DNMT3A: variants seen among roughly 807,000 people sequenced by gnomAD.
DNMT3A encodes DNA (cytosine-5)-methyltransferase 3A.
Under a neutral mutation model 117.6 loss-of-function variants are expected in DNMT3A, and 267 were observed. That is an observed-to-expected ratio of 2.27 (90% CI 2.05 to 2.51). The LOEUF is 2.51. Ranked by LOEUF, DNMT3A falls within the 30% of genes most tolerant of loss-of-function variation. DNMT3A has a pLI of 0.00. For missense variants in DNMT3A, 1,029 were observed against 1,260.2 expected (o/e 0.82, Z 2.78); for synonymous variants, 432 against 474.8 (o/e 0.91, Z 1.17).
rs1381872719 is a variant in DNMT3A, at chr2:25,311,185, G to A, written c.72+2728C>T. 6.6e-6 allele frequency among the ~76,000 whole-genome samples: 1 copy of A among 152,058 alleles called. No individual in the cohort carries two copies. Among genetic ancestry groups the A allele is most frequent in the African/African-American group, 2.4e-5 (1 of 41,398 alleles). On this transcript the variant is annotated intron_variant, in intron 2 of 22. Coordinates refer to ENST00000321117, the MANE Select transcript of DNMT3A (RefSeq NM_022552.5). The surrounding 1 kb of genome is among the most constrained non-coding windows in gnomAD (Gnocchi z 5.2). ...AGGCTAGAGGGCCACATGGGGCCAGGCAGTGGAAGGGCCATTGGTTGGCCA... is the reference window on the plus strand; with the variant it reads ...AGGCTAGAGGGCCACATGGGGCCAGACAGTGGAAGGGCCATTGGTTGGCCA...
In DNMT3A at chr2:25,264,132, G is replaced by GTTTTTTTTTTTTTTTTTT. The variant is rs1175186554; in HGVS notation, c.639+10791_639+10808dup. 4.7e-4 allele frequency among the ~76,000 whole-genome samples: 35 copies of GTTTTTTTTTTTTTTTTTT among 73,758 alleles called. 5 individuals carry two copies. Among genetic ancestry groups the GTTTTTTTTTTTTTTTTTT allele is most frequent in the South Asian group, 4.6e-3 (7 of 1,512 alleles). The allele number at this position is 73,758 out of a possible 152,430, so 48.4% of individuals were successfully genotyped here. A position where few individuals can be genotyped will look rare whatever the true frequency, so the allele number is the denominator to read the frequency against. On this transcript the variant is annotated intron_variant, in intron 6 of 22. Transcript: ENST00000321117. Reference sequence around the variant, plus strand: ...TCAGTAAAGGCTGGACAACCCTTTGGTTTTTTTTTTTTTTTTTTTTTTTTT... The same window carrying GTTTTTTTTTTTTTTTTTT: ...TCAGTAAAGGCTGGACAACCCTTTGGTTTTTTTTTTTTTTTTTTTTTTTTTTTTTTTTTTTTTTTTTTT...
chr2:25,336,313 C>A (rs898941282), intron 1 of DNMT3A, among the ~76,000 whole-genome samples: 1 of 152,168 alleles, frequency 6.6e-6, no homozygotes, highest in Non-Finnish European at 1.5e-5. Context: ...CACTGGCAGC[C>A]CCTTGCAGGA....
chr2:25,314,093 T>C lies in DNMT3A; in HGVS notation c.-109A>G, dbSNP rs908130410. 7.0e-6 allele frequency: 10 copies of C among 1,436,734 alleles called. No individual in the cohort carries two copies. In the African/African-American group the frequency reaches 8.6e-5, roughly 12 times the overall value. The allele number at this position is 1,436,734 out of a possible 1,614,324, so 89.0% of individuals were successfully genotyped here. ...GCGAGAGTTAAAACTTAAACATAGA[T>C]CCCGGTGTTGAGCCCTCTGGTGAAC... is the stretch of plus-strand genomic sequence containing the variant. On this transcript the variant is annotated 5_prime_UTR_variant, in exon 2 of 23. Coordinates refer to ENST00000321117, the MANE Select transcript of DNMT3A (RefSeq NM_022552.5).
At chr2:25,341,094 G>C (rs2149457652) in intron 1 of DNMT3A, among the ~76,000 whole-genome samples, 1 of 145,260 alleles carries the variant, frequency 6.9e-6, no homozygotes, top group East Asian at 2.1e-4. Flanking sequence ...CCCAGCCACA[G>C]GTGGCCGGAG....
chr2:25,241,789 C>T, intron 16 of DNMT3A, 82 bp from the exon 17 acceptor site: 1 of 1,555,370 alleles, frequency 6.4e-7, no homozygotes, highest in Non-Finnish European at 8.7e-7. Flanking sequence ...TGCTGGCCAA[C>T]AGGACCCATG....
rs923551535 is a variant in DNMT3A at position 25,257,528 on chromosome 2, G to A, written c.640-9276C>T. Among the ~76,000 whole-genome samples, 5 of 152,096 alleles carry A rather than the reference G, an allele frequency of 3.3e-5. No homozygotes were observed. Among genetic ancestry groups the A allele is most frequent in the African/African-American group, 4.8e-5 (2 of 41,422 alleles). On this transcript the variant is annotated intron_variant, in intron 6 of 22. Transcript: ENST00000321117. This position sits in a 1 kb window ranked among gnomAD's most constrained non-coding sequence, Gnocchi z 4.8. The stretch of plus-strand genomic sequence containing the variant: ...GTGGGGGTCTGGTCTTGGCTTAGCC[G>A]GCATGACCAGGAAACACCCGCTTCC...
At position 25,247,953 on chromosome 2, in the gene DNMT3A, GGA is replaced by G; in HGVS notation, c.855+82_855+83del. The stretch of plus-strand genomic sequence containing the variant: ...AGAGAGCGAGCGGCCCGTGGGAGAT[GGA>G]GAGAGGAGAGCAGGACGGGAGGAGC... On this transcript the variant is annotated intron_variant, in intron 7 of 22. Coordinates refer to ENST00000321117, the MANE Select transcript of DNMT3A (RefSeq NM_022552.5). This position sits in a 1 kb window ranked among gnomAD's most constrained non-coding sequence, Gnocchi z 5.6. The G allele has an allele frequency of 6.3e-7, 1 of 1,585,658 alleles. No homozygotes were observed. The highest frequency in any genetic ancestry group is 8.6e-7 in the Non-Finnish European group (1 of 1,164,522).
At position 25,305,178 on chromosome 2, in the gene DNMT3A, C is replaced by T. The variant is rs1295577190; in HGVS notation, c.73-4935G>A. On this transcript the variant is annotated intron_variant, in intron 2 of 22. Transcript: ENST00000321117. This position sits in a 1 kb window ranked among gnomAD's most constrained non-coding sequence, Gnocchi z 4.1. ...CTGTGTACGAGGTTCCAGTGCCTCTCGGATCTTTACGATTCCAGATTAGGA... is the reference window on the plus strand; with the variant it reads ...CTGTGTACGAGGTTCCAGTGCCTCTTGGATCTTTACGATTCCAGATTAGGA... Among the ~76,000 whole-genome samples the T allele has an allele frequency of 6.6e-6, 1 of 152,236 alleles. No individual in the cohort carries two copies. The highest frequency in any genetic ancestry group is 2.4e-5 in the African/African-American group (1 of 41,458).
intron 3 of DNMT3A, among the ~76,000 whole-genome samples, chr2:25,290,441 C>G (rs1250379771): frequency 6.6e-6 from 1 of 151,980 alleles, no homozygotes; most frequent in South Asian, 2.1e-4. Flanking sequence ...CTGCCTCAGT[C>G]CCAACCAGTA....
At chr2:25,287,002 G>A (rs928073764) in intron 3 of DNMT3A, among the ~76,000 whole-genome samples, 4 of 152,234 alleles carry the variant, frequency 2.6e-5, no homozygotes, top group Non-Finnish European at 4.4e-5. Flanking sequence ...CACCTGACAG[G>A]TGCTCAGACA....
At chr2:25,326,071 C>G (rs903030892) in intron 1 of DNMT3A, among the ~76,000 whole-genome samples, 3 of 150,522 alleles carry the variant, frequency 2.0e-5, no homozygotes, top group African/African-American at 7.4e-5. Flanking sequence ...AACCAGGCCT[C>G]TAGTGGTTTT....
At chr2:25,317,637 G>C (rs968465839) in intron 1 of DNMT3A, among the ~76,000 whole-genome samples, 5 of 152,256 alleles carry the variant, frequency 3.3e-5, no homozygotes, top group African/African-American at 1.2e-4. Context: ...AGGTTTATCT[G>C]TAGTCACTGG....
In DNMT3A at chr2:25,252,180, G is replaced by C; in HGVS notation, c.640-3928C>G. On this transcript the variant is annotated intron_variant, in intron 6 of 22. Coordinates refer to ENST00000321117, the MANE Select transcript of DNMT3A (RefSeq NM_022552.5). The surrounding 1 kb of genome is among the most constrained non-coding windows in gnomAD (Gnocchi z 5.5). ...CCGCCCCCGGTCTCCCCGGGGCTCC[G>C]TCCAGGAACCTACCCATAAGGCCAG... 6.4e-7 allele frequency: 1 copy of C among 1,565,480 alleles called. No homozygotes were observed.
At chr2:25,299,799 C>T (rs542960880) in intron 3 of DNMT3A, among the ~76,000 whole-genome samples, 5 of 152,248 alleles carry the variant, frequency 3.3e-5, no homozygotes, top group South Asian at 4.1e-4. Flanking sequence ...GGAATGGTGG[C>T]GCGTGCCTGT....
chr2:25,320,487 C>A (rs2034548650), intron 1 of DNMT3A, among the ~76,000 whole-genome samples: 1 of 151,656 alleles, frequency 6.6e-6, no homozygotes, highest in East Asian at 1.9e-4. Flanking sequence ...TAGAGATGCA[C>A]AATTATTATG....
At position 25,234,298 on chromosome 2, in the gene DNMT3A, T is replaced by C; in HGVS notation, c.2720A>G (p.Glu907Gly). 6.2e-7 allele frequency: 1 copy of C among 1,613,810 alleles called. No homozygotes were observed. Residue 907 changes from glutamate (E) to glycine (G), a missense_variant, in exon 23 of 23, where the codon GAG becomes GGG. Transcript: ENST00000321117. The surrounding 1 kb of genome is among the most constrained non-coding windows in gnomAD (Gnocchi z 4.5). ...VIRHLFAPLK[E>G]YFACV ...TGTCCCTTACACACACGCAAAATAC[T>C]CCTTCAGCGGAGCGAAGAGGTGGCG... is the stretch of plus-strand genomic sequence containing the variant.
intron 1 of DNMT3A, among the ~76,000 whole-genome samples, chr2:25,334,845 A>G (rs2035147391): frequency 6.6e-6 from 1 of 152,212 alleles, no homozygotes; most frequent in Non-Finnish European, 1.5e-5. Flanking sequence ...TATCCATTAT[A>G]AAAAAGAGTC....
At position 25,243,971 on chromosome 2, in the gene DNMT3A, C is replaced by T; in HGVS notation, c.1863G>A (p.Lys621=). The change falls in exon 16 of 23, where the codon AAG becomes AAA. Residue 621 remains lysine, a synonymous_variant. Transcript: ENST00000321117. Reference sequence around the variant, plus strand: ...TCTCAGCTGGGACAGGTGGGTAAACCTTTGGAGGGTCCTAAGCAGTGAGCA... The same window carrying T: ...TCTCAGCTGGGACAGGTGGGTAAACTTTTGGAGGGTCCTAAGCAGTGAGCA... ...NNHDQEFDPP[K]VYPPVPAEKR... is the part of the protein sequence containing the mutation. 2 of 1,554,112 alleles carry T rather than the reference C, an allele frequency of 1.3e-6. No individual in the cohort carries two copies. Among genetic ancestry groups the T allele is most frequent in the African/African-American group, 1.4e-5 (1 of 73,342 alleles).
intron 21 of DNMT3A, 86 bp from the exon 22 acceptor site, chr2:25,235,911 T>G: frequency 7.9e-7 from 1 of 1,266,302 alleles, no homozygotes; most frequent in South Asian, 1.2e-5. Flanking sequence ...TGCCAGGTAC[T>G]CGCCAAACCC....
Sources: gnomAD v4.1 joint callset for allele counts (sites outside exome capture counted in the v4.1 genomes callset) on GRCh38, gnomAD v4.1.1 for gene constraint, Gnocchi (gnomAD v3.1) non-coding constraint, MANE v1.5 for transcripts, NCBI Gene and HGNC (gene_info 2026-07-23, HGNC 2026-07-21) for gene names.